The following NECTIN3 variants were observed in gnomAD, a reference collection of about 807,000 sequenced individuals.
NECTIN3 encodes nectin-3.
In NECTIN3, 8 loss-of-function variants were observed where a neutral mutation model predicts 49.4. That is an observed-to-expected ratio of 0.16 (90% CI 0.10 to 0.29). The LOEUF (loss-of-function observed/expected upper bound fraction) is 0.29. Among genes scored for constraint, NECTIN3 ranks in the 10% least tolerant of loss-of-function variants. The pLI is 1.00. For synonymous variants in NECTIN3, 277 were observed against 241.1 expected (o/e 1.15, Z -1.38); for missense variants, 581 against 654.6 (o/e 0.89, Z 1.23).
chr3:111,102,641 T>C (rs2032970314), intron 1 of NECTIN3, among the ~76,000 whole-genome samples: 1 of 152,230 alleles, frequency 6.6e-6, no homozygotes, highest in South Asian at 2.1e-4. Context: ...CAGAAATTTT[T>C]AATTTAAATG....
intron 1 of NECTIN3, chr3:111,192,500 A>C: frequency 1.6e-6 from 2 of 1,258,340 alleles, no homozygotes; most frequent in Admixed American, 2.1e-5. Context: ...ATACAAGTTC[A>C]TTTTATTCAT....
At chr3:111,142,884 T>G (rs1388743583) in intron 5 of NECTIN3, among the ~76,000 whole-genome samples, 3 of 151,920 alleles carry the variant, frequency 2.0e-5, no homozygotes, top group Non-Finnish European at 2.9e-5. Flanking sequence ...ATGATAGGTC[T>G]TCTTTAGCAA....
At chr3:111,096,096 G>C (rs2032570023) in intron 1 of NECTIN3, among the ~76,000 whole-genome samples, 1 of 152,172 alleles carries the variant, frequency 6.6e-6, no homozygotes. Context: ...GAGACTTGTT[G>C]AATGGCTTTG....
intron 1 of NECTIN3, among the ~76,000 whole-genome samples, chr3:111,109,565 T>C (rs1408973236): frequency 6.6e-6 from 1 of 152,068 alleles, no homozygotes; most frequent in Non-Finnish European, 1.5e-5. Flanking sequence ...ATCTGTATTT[T>C]TCCAAGTATT....
rs937946611 is a variant in NECTIN3, at chr3:111,137,553, T to G, written c.*3338T>G. ...TTAAATAAAAGTTAAAAAAGTTCTT[T>G]AGAGGCATATTTCTGTAATAAGTTC... is the stretch of plus-strand genomic sequence containing the variant. On this transcript the variant is annotated 3_prime_UTR_variant, in exon 6 of 6. Coordinates refer to ENST00000485303, the MANE Select transcript of NECTIN3 (RefSeq NM_015480.3). 2.1e-6 allele frequency: 2 copies of G among 934,438 alleles called. No individual in the cohort carries two copies. Among genetic ancestry groups the G allele is most frequent in the Admixed American group, 1.2e-4 (2 of 16,054 alleles). The allele number at this position is 934,438 out of a possible 1,614,324, so 57.9% of individuals were successfully genotyped here.
chr3:111,099,930 C>T (rs1192217002), intron 1 of NECTIN3, among the ~76,000 whole-genome samples: 1 of 152,028 alleles, frequency 6.6e-6, no homozygotes, highest in South Asian at 2.1e-4. Context: ...TTATTGAGAC[C>T]TTGTTAATTA....
At chr3:111,112,487 T>C (rs2033514848) in intron 2 of NECTIN3, 116 bp downstream of exon 2, 1 of 698,392 alleles carries the variant, frequency 1.4e-6, no homozygotes, top group Non-Finnish European at 2.2e-6. Context: ...AGTAAAATAA[T>C]TCAAATACGA....
chr3:111,186,233 A>G (rs1166385198), intron 7 of NECTIN3, among the ~76,000 whole-genome samples: 1 of 152,182 alleles, frequency 6.6e-6, no homozygotes, highest in Non-Finnish European at 1.5e-5. Flanking sequence ...GAACCAAAAA[A>G]GAGTTTGAAT....
upstream of NECTIN3, among the ~76,000 whole-genome samples, chr3:111,192,147 T>A (rs1343147073): frequency 6.6e-6 from 1 of 152,160 alleles, no homozygotes; most frequent in South Asian, 2.1e-4. Flanking sequence ...TTTTCTTCTT[T>A]CCAGAAGTCA....
chr3:111,091,804 C>T (rs1417699964), intron 1 of NECTIN3, among the ~76,000 whole-genome samples: 2 of 152,068 alleles, frequency 1.3e-5, no homozygotes, highest in Non-Finnish European at 2.9e-5. Flanking sequence ...TTTTATTTCA[C>T]TTGGGTATTT....
intron 7 of NECTIN3, among the ~76,000 whole-genome samples, chr3:111,186,733 T>G (rs928131811): frequency 6.6e-6 from 1 of 152,172 alleles, no homozygotes; most frequent in Non-Finnish European, 1.5e-5. Flanking sequence ...AAACTAGGGA[T>G]GAAAGCCTCT....
chr3:111,112,735 A>T (rs2033525189), intron 2 of NECTIN3, among the ~76,000 whole-genome samples: 1 of 152,024 alleles, frequency 6.6e-6, no homozygotes, highest in Non-Finnish European at 1.5e-5. Flanking sequence ...TTTCATTTTT[A>T]AAAAATTGAG....
rs575811085 is a variant in NECTIN3, at chr3:111,134,092, T to C, written c.1527T>C (p.Asp509=). 1.5e-5 allele frequency: 24 copies of C among 1,613,618 alleles called. No homozygotes were observed. The African/African-American group carries it at 2.9e-4, about 20-fold the overall frequency. ...TCAATAGGTTTGAAAGACCAATGGA[T>C]TATTATGAAGATCTAAAAATGGGAA... ...ENLNRFERPM[D]YYEDLKMGMK... is the part of the protein sequence containing the mutation. The change falls in exon 6 of 6, where the codon GAT becomes GAC. Residue 509 remains aspartate, a synonymous_variant. Transcript: ENST00000485303.
chr3:111,073,537 C>T (rs1268162896), intron 1 of NECTIN3: 1 of 152,314 alleles, frequency 6.6e-6, no homozygotes. Flanking sequence ...TATGCCGACT[C>T]CGCAGATACT....
chr3:111,092,397 C>T (rs1576086496), intron 1 of NECTIN3, among the ~76,000 whole-genome samples: 1 of 152,086 alleles, frequency 6.6e-6, no homozygotes, highest in Non-Finnish European at 1.5e-5. Flanking sequence ...AGATGTACTA[C>T]AGTATTTTCT....
chr3:111,172,678 A>G (rs978606554), intron 7 of NECTIN3, among the ~76,000 whole-genome samples: 2 of 152,238 alleles, frequency 1.3e-5, no homozygotes, highest in African/African-American at 4.8e-5. Flanking sequence ...AATACTCATT[A>G]TAGAATTCTC....
At chr3:111,187,724 T>C (rs1481743321), upstream of NECTIN3, among the ~76,000 whole-genome samples, 2 of 152,204 alleles carry the variant, frequency 1.3e-5, no homozygotes, top group Non-Finnish European at 2.9e-5. Context: ...ATTTCCACTA[T>C]ATGATACTGT....
At chr3:111,089,754 A>G (rs141351632) in intron 1 of NECTIN3, among the ~76,000 whole-genome samples, 19 of 152,132 alleles carry the variant, frequency 1.2e-4, no homozygotes, top group African/African-American at 3.6e-4. Flanking sequence ...CTCTCCATGT[A>G]TGTATGTGTA....
rs1359384395 is a variant in NECTIN3, at chr3:111,127,587, G to T, written c.1069+1252G>T. 2.0e-5 allele frequency among the ~76,000 whole-genome samples: 3 copies of T among 149,398 alleles called. No individual in the cohort carries two copies. In the East Asian group the frequency reaches 5.9e-4, roughly 29 times the overall value. ...TGTATTTTTTTTTCTTTTGAGACGT[G>T]GTCTCGCTGTGTCACCCAGGCTGGA... On this transcript the variant is annotated intron_variant, in intron 5 of 5. Coordinates refer to ENST00000485303, the MANE Select transcript of NECTIN3 (RefSeq NM_015480.3).
Sources: gnomAD v4.1 joint callset for allele counts (sites outside exome capture counted in the v4.1 genomes callset) on GRCh38, gnomAD v4.1.1 for gene constraint, MANE v1.5 for transcripts, NCBI Gene and HGNC (gene_info 2026-07-23, HGNC 2026-07-21) for gene names.